EPHB2: variants seen among roughly 807,000 people sequenced by gnomAD.
EPHB2 encodes the protein EPH receptor B2.
A neutral mutation model predicts 96.4 loss-of-function variants in EPHB2; 18 were observed. The ratio of observed to expected loss-of-function variants is 0.19; its 90% confidence interval spans 0.13 to 0.28. The LOEUF is 0.28. EPHB2 is among the 10% of genes least tolerant of loss of function. The pLI is 1.00. For missense variants in EPHB2, 989 were observed against 1,355.4 expected (o/e 0.73, Z 4.25); for synonymous variants, 506 against 534.1 (o/e 0.95, Z 0.72).
chr1:22,731,807 C>T (rs1433195024), intron 1 of EPHB2, among the ~76,000 whole-genome samples: 1 of 152,132 alleles, frequency 6.6e-6, no homozygotes, highest in Non-Finnish European at 1.5e-5. Flanking sequence ...GCCACTGCAC[C>T]CCAGCCTGGG....
At chr1:22,893,617 G>A (rs1639462237) in intron 7 of EPHB2, among the ~76,000 whole-genome samples, 1 of 152,160 alleles carries the variant, frequency 6.6e-6, no homozygotes, top group African/African-American at 2.4e-5. Flanking sequence ...AAAGAATGTG[G>A]GCTCTGAAGC....
At chr1:22,736,935 A>G (rs887720683) in intron 1 of EPHB2, among the ~76,000 whole-genome samples, 2 of 152,252 alleles carry the variant, frequency 1.3e-5, no homozygotes, top group South Asian at 2.1e-4. Context: ...CACCTTGGCC[A>G]TGGCTCTCTG....
chr1:22,763,159 C>G (rs1644258325), intron 1 of EPHB2, among the ~76,000 whole-genome samples: 1 of 152,186 alleles, frequency 6.6e-6, no homozygotes. Context: ...TGGGTCTGGG[C>G]CTGTGCGAGC....
rs1484288788 is a variant in EPHB2, at chr1:22,875,549, G to C, written c.1304-6810G>C. Among the ~76,000 whole-genome samples, 1 of 152,156 alleles carries C rather than the reference G, an allele frequency of 6.6e-6. No individual in the cohort carries two copies. Among genetic ancestry groups the C allele is most frequent in the Non-Finnish European group, 1.5e-5 (1 of 68,036 alleles). ...CCAGCCCACAAGGTCGGTAGACTCGGGTTCCTGAGGGCGCCAGAAAAGGGG... is the reference window on the plus strand; with the variant it reads ...CCAGCCCACAAGGTCGGTAGACTCGCGTTCCTGAGGGCGCCAGAAAAGGGG... On this transcript the variant is annotated intron_variant, in intron 5 of 15. Coordinates refer to ENST00000374630, the MANE Select transcript of EPHB2 (RefSeq NM_017449.5). This position sits in a 1 kb window ranked among gnomAD's most constrained non-coding sequence, Gnocchi z 4.2.
chr1:22,892,399 C>T (rs1313348300), intron 6 of EPHB2, among the ~76,000 whole-genome samples: 1 of 152,178 alleles, frequency 6.6e-6, no homozygotes, highest in Non-Finnish European at 1.5e-5. Context: ...AAAAATCCAA[C>T]ACCTTCCAAC....
chr1:22,902,382 C>A (rs982789521), intron 9 of EPHB2, among the ~76,000 whole-genome samples: 1 of 152,192 alleles, frequency 6.6e-6, no homozygotes, highest in Non-Finnish European at 1.5e-5. Context: ...GTTTACTAAG[C>A]ATCTACTGTA....
At position 22,917,339 on chromosome 1, in the gene EPHB2, C is replaced by T. The variant is rs1348535138; in HGVS notation, c.*3769C>T. 6.6e-6 allele frequency: 1 copy of T among 152,250 alleles called. No homozygotes were observed. Among genetic ancestry groups the T allele is most frequent in the African/African-American group, 2.4e-5 (1 of 41,440 alleles). The allele number at this position is 152,250 out of a possible 1,614,324, so 9.4% of individuals were successfully genotyped here. On this transcript the variant is annotated 3_prime_UTR_variant, in exon 16 of 16. Coordinates refer to ENST00000374630, the MANE Select transcript of EPHB2 (RefSeq NM_017449.5). ...ACCCAGGCCCCAGACCATCACCCAC[C>T]CCAGGGCTGGGCCCTGGGCCACTCC...
intron 6 of EPHB2, 148 bp downstream of exon 6, chr1:22,882,631 C>T (rs1002231229): frequency 1.6e-6 from 2 of 1,263,178 alleles, no homozygotes; most frequent in Middle Eastern, 2.7e-4. Context: ...CTGCCTGGCT[C>T]CCAATCCAGC....
At chr1:22,891,056 G>C in intron 6 of EPHB2, 1 of 456,012 alleles carries the variant, frequency 2.2e-6, no homozygotes, top group Non-Finnish European at 4.4e-6. Flanking sequence ...GTGTGAGCCT[G>C]TTATACCTAT....
chr1:22,825,918 G>A (rs1397989877), intron 3 of EPHB2, among the ~76,000 whole-genome samples: 1 of 152,228 alleles, frequency 6.6e-6, no homozygotes, highest in Non-Finnish European at 1.5e-5. Flanking sequence ...GGGGAGGGGA[G>A]AGTCCAGGAT....
intron 3 of EPHB2, among the ~76,000 whole-genome samples, chr1:22,837,869 C>T (rs527466408): frequency 7.9e-5 from 12 of 152,298 alleles, no homozygotes; most frequent in African/African-American, 2.6e-4. Context: ...GGATGCCTGT[C>T]GTCCAGCTGG....
At chr1:22,829,902 T>C (rs1645278766) in intron 3 of EPHB2, among the ~76,000 whole-genome samples, 1 of 152,152 alleles carries the variant, frequency 6.6e-6, no homozygotes, top group Admixed American at 6.5e-5. Context: ...GGAGCTTTTG[T>C]TTGGGCAGCA....
chr1:22,793,362 A>T (rs917550237), intron 3 of EPHB2, among the ~76,000 whole-genome samples: 7 of 152,100 alleles, frequency 4.6e-5, no homozygotes, highest in African/African-American at 1.7e-4. Flanking sequence ...TCTATCCATA[A>T]CTACAGACTT....
chr1:22,714,482 G>A, intron 1 of EPHB2, among the ~76,000 whole-genome samples: 1 of 152,208 alleles, frequency 6.6e-6, no homozygotes, highest in Non-Finnish European at 1.5e-5. Context: ...ATGATCAGGT[G>A]CTTACTTTGA....
At chr1:22,787,313 C>T (rs192018879) in intron 3 of EPHB2, among the ~76,000 whole-genome samples, 2 of 152,240 alleles carry the variant, frequency 1.3e-5, no homozygotes, top group African/African-American at 2.4e-5. Flanking sequence ...GAATAAAGGC[C>T]TGGGAACATG....
At chr1:22,722,338 T>C (rs1362697708) in intron 1 of EPHB2, among the ~76,000 whole-genome samples, 1 of 152,206 alleles carries the variant, frequency 6.6e-6, no homozygotes, top group African/African-American at 2.4e-5. Flanking sequence ...TATTCTAAAA[T>C]ACAGTTCTGG....
At chr1:22,895,272 C>T (rs956021161) in intron 7 of EPHB2, among the ~76,000 whole-genome samples, 200 bp from the exon 8 acceptor site, 1 of 152,188 alleles carries the variant, frequency 6.6e-6, no homozygotes, top group Non-Finnish European at 1.5e-5. Flanking sequence ...AGGATTGGAG[C>T]AGTTCATGGA....
At chr1:22,752,715 ATAT>A (rs1413404644) in intron 1 of EPHB2, among the ~76,000 whole-genome samples, 6 of 150,534 alleles carry the variant, frequency 4.0e-5, no homozygotes, top group East Asian at 1.9e-4. Context: ...TAATATTTTA[ATAT>A]TATTTTCATG....
At chr1:22,775,365 A>G (rs1201017974) in intron 1 of EPHB2, 2 of 704,912 alleles carry the variant, frequency 2.8e-6, no homozygotes, top group African/African-American at 3.5e-5. Context: ...CTTGGCATGT[A>G]TAGGTGCTTA....
Sources: gnomAD v4.1 joint callset for allele counts (sites outside exome capture counted in the v4.1 genomes callset) on GRCh38, gnomAD v4.1.1 for gene constraint, Gnocchi (gnomAD v3.1) non-coding constraint, MANE v1.5 for transcripts, NCBI Gene and HGNC (gene_info 2026-07-23, HGNC 2026-07-21) for gene names.